The following STXBP5 variants were observed in gnomAD, a reference collection of about 807,000 sequenced individuals.
STXBP5 encodes syntaxin binding protein 5.
A neutral mutation model predicts 152.4 loss-of-function variants in STXBP5; 50 were observed. That is an observed-to-expected ratio of 0.33 (90% CI 0.26 to 0.42). The LOEUF is 0.42. Among genes scored for constraint, STXBP5 ranks in the 10% least tolerant of loss-of-function variants. The pLI is 1.00. For synonymous variants in STXBP5, 492 were observed against 494.7 expected, an observed-to-expected ratio of 0.99 and a Z score of 0.07; for missense variants, 1,167 against 1,388.6, an observed-to-expected ratio of 0.84 and a Z score of 2.54.
At chr6:147,360,004 C>G (rs1292604319) in intron 23 of STXBP5, among the ~76,000 whole-genome samples, 1 of 152,154 alleles carries the variant, frequency 6.6e-6, no homozygotes, top group Non-Finnish European at 1.5e-5. Flanking sequence ...ACAGACACTT[C>G]TCAAAGGAAG....
At chr6:147,364,755 A>C (rs1785218909) in intron 25 of STXBP5, among the ~76,000 whole-genome samples, 1 of 152,198 alleles carries the variant, frequency 6.6e-6, no homozygotes, top group South Asian at 2.1e-4. Flanking sequence ...CCAAAGTAAA[A>C]GTGCTCTGGA....
At chr6:147,300,031 A>T (rs1781727390) in intron 9 of STXBP5, among the ~76,000 whole-genome samples, 1 of 152,040 alleles carries the variant, frequency 6.6e-6, no homozygotes, top group East Asian at 1.9e-4. Flanking sequence ...GAACTAACTG[A>T]AAAAGAAGTC....
intron 15 of STXBP5, 76 bp downstream of exon 15, chr6:147,315,811 C>CT: frequency 7.4e-7 from 1 of 1,360,102 alleles, no homozygotes; most frequent in Non-Finnish European, 1.0e-6. Flanking sequence ...ATTTGGAAGA[C>CT]TTTTTGCAGT....
intron 4 of STXBP5, among the ~76,000 whole-genome samples, chr6:147,249,942 A>C (rs984793476): frequency 2.0e-5 from 3 of 152,186 alleles, no homozygotes; most frequent in Non-Finnish European, 4.4e-5. Flanking sequence ...AAAATGGAGA[A>C]AGGGTTCTCT....
At chr6:147,227,849 A>T (rs1043007111) in intron 2 of STXBP5, among the ~76,000 whole-genome samples, 1 of 151,882 alleles carries the variant, frequency 6.6e-6, no homozygotes, top group Admixed American at 6.6e-5. Flanking sequence ...AAGTCAAGTG[A>T]TATCTTTTGA....
intron 9 of STXBP5, among the ~76,000 whole-genome samples, chr6:147,302,669 G>A (rs896811935): frequency 3.3e-5 from 5 of 152,062 alleles, no homozygotes; most frequent in African/African-American, 1.2e-4. Flanking sequence ...GGAGAAATTA[G>A]CCAGGCATGG....
intron 2 of STXBP5, among the ~76,000 whole-genome samples, chr6:147,215,080 T>C (rs755769797): frequency 1.7e-4 from 26 of 152,234 alleles, no homozygotes; most frequent in Non-Finnish European, 3.4e-4. Context: ...CTGTGACGGC[T>C]ACTCAACTCT....
At chr6:147,323,859 C>G (rs1783068503) in intron 16 of STXBP5, among the ~76,000 whole-genome samples, 1 of 152,162 alleles carries the variant, frequency 6.6e-6, no homozygotes, top group Admixed American at 6.5e-5. Flanking sequence ...TACTCAAAGT[C>G]CACCTTGCTG....
intron 16 of STXBP5, among the ~76,000 whole-genome samples, chr6:147,317,189 G>T (rs887823276): frequency 1.3e-5 from 2 of 152,128 alleles, no homozygotes; most frequent in African/African-American, 2.4e-5. Context: ...GAAATAATTT[G>T]CATTTATTAA....
At chr6:147,318,999 C>A (rs1051680485) in intron 16 of STXBP5, among the ~76,000 whole-genome samples, 4 of 152,106 alleles carry the variant, frequency 2.6e-5, no homozygotes, top group Admixed American at 6.6e-5. Flanking sequence ...CTTAACACCA[C>A]CTCAGAACTT....
At chr6:147,256,993 C>T (rs1269882971) in intron 4 of STXBP5, among the ~76,000 whole-genome samples, 1 of 151,966 alleles carries the variant, frequency 6.6e-6, no homozygotes, top group Admixed American at 6.6e-5. Context: ...TAATATTTGA[C>T]AGGCTGCTGT....
rs1190061970 is a variant in STXBP5 at position 147,314,047 on chromosome 6, T to A, written c.1293+16T>A. On this transcript the variant is annotated intron_variant, in intron 12 of 27. Coordinates refer to ENST00000321680, the MANE Select transcript of STXBP5 (RefSeq NM_001127715.4). ...CAGCAAAAAGGTATTGAACATGAGC[T>A]TCAGTATTTAATGTTATATTTCTTA... 1 of 1,570,630 alleles carries A rather than the reference T, an allele frequency of 6.4e-7. No individual in the cohort carries two copies. Among genetic ancestry groups the A allele is most frequent in the Non-Finnish European group, 8.7e-7 (1 of 1,153,566 alleles).
intron 19 of STXBP5, among the ~76,000 whole-genome samples, chr6:147,338,138 T>C (rs1783921295): frequency 3.3e-5 from 5 of 152,252 alleles, no homozygotes; most frequent in Admixed American, 2.6e-4. Context: ...AGAAAAGCTT[T>C]ATGAATTCAG....
At chr6:147,373,915 G>C (rs41285881) in intron 26 of STXBP5, 73 bp downstream of exon 26, 48,683 of 959,546 alleles carry the variant, frequency 0.051, 1,609 homozygotes, top group African/African-American at 0.12. Flanking sequence ...TTTTTTATAC[G>C]TGTAAATTAT....
At chr6:147,340,379 G>C (rs1329891351) in intron 21 of STXBP5, among the ~76,000 whole-genome samples, 3 of 151,904 alleles carry the variant, frequency 2.0e-5, no homozygotes, top group Non-Finnish European at 4.4e-5. Flanking sequence ...TAAATAAGGT[G>C]GTTTATTCTT....
intron 2 of STXBP5, among the ~76,000 whole-genome samples, chr6:147,232,863 G>A (rs1245248843): frequency 6.6e-6 from 1 of 151,756 alleles, no homozygotes; most frequent in Non-Finnish European, 1.5e-5. Context: ...TAGCCCAAGA[G>A]TAAAACGTCT....
In STXBP5 at chr6:147,327,120, C is replaced by T. The variant is rs1192762479; in HGVS notation, c.1929-5C>T. 1.9e-6 allele frequency: 3 copies of T among 1,604,968 alleles called. No homozygotes were observed. Among genetic ancestry groups the T allele is most frequent in the Admixed American group, 1.7e-5 (1 of 57,714 alleles). ...CTAAAATGTTTGTTATTTTCCTATT[C>T]CCAGGGTGGTTTTTGGCAATTGCAA... On this transcript the variant is annotated splice_region_variant and splice_polypyrimidine_tract_variant and intron_variant, in intron 17 of 27. Coordinates refer to ENST00000321680, the MANE Select transcript of STXBP5 (RefSeq NM_001127715.4).
chr6:147,363,167 G>C (rs1785140346), intron 23 of STXBP5, among the ~76,000 whole-genome samples, 168 bp from the exon 24 acceptor site: 1 of 152,152 alleles, frequency 6.6e-6, no homozygotes, highest in South Asian at 2.1e-4. Flanking sequence ...TCTTTTTCCA[G>C]ACTCATAAAT....
At chr6:147,228,431 G>A (rs1286090309) in intron 2 of STXBP5, among the ~76,000 whole-genome samples, 1 of 151,796 alleles carries the variant, frequency 6.6e-6, no homozygotes, top group Non-Finnish European at 1.5e-5. Context: ...TCTGTAGGAA[G>A]CCTTAAGGAA....
Sources: gnomAD v4.1 joint callset for allele counts (sites outside exome capture counted in the v4.1 genomes callset) on GRCh38, gnomAD v4.1.1 for gene constraint, MANE v1.5 for transcripts, NCBI Gene and HGNC (gene_info 2026-07-23, HGNC 2026-07-21) for gene names.